SIMC1: variants seen among roughly 807,000 people sequenced by gnomAD.
SIMC1 encodes SUMO-interacting motif-containing protein 1.
SIMC1 carries 55 observed loss-of-function variants against 82.3 expected under a neutral mutation model. The observed-to-expected ratio is 0.67, with a 90% CI of 0.54 to 0.84. The LOEUF is 0.84. Ranked by LOEUF, SIMC1 falls within the 40% of genes least tolerant of loss-of-function variation. SIMC1 has a pLI of 0.00. For synonymous variants in SIMC1, 353 were observed against 426.3 expected (o/e 0.83, Z 2.12); for missense variants, 915 against 1,107.2 (o/e 0.83, Z 2.46).
chr5:176,296,421 T>G (rs529623987), intron 4 of SIMC1, 101 bp downstream of exon 4: 1 of 1,586,360 alleles, frequency 6.3e-7, no homozygotes, highest in South Asian at 1.1e-5. Context: ...CCCAGCATTT[T>G]GGGAGGCCGA....
At position 176,324,677 on chromosome 5, in the gene SIMC1, C is replaced by T; in HGVS notation, c.2091C>T (p.Asp697=). The change falls in exon 7 of 10, where the codon GAC becomes GAT. Residue 697 remains aspartate (D), a synonymous_variant. Transcript: ENST00000429602. ...TGCTCTCCATAGCCGTAGAGGTGGA[C>T]AGGACCCCCACCTGCAGCTCCAATA... is the stretch of plus-strand genomic sequence containing the variant. ...QRMLSIAVEV[D]RTPTCSSNKI... 6.2e-7 allele frequency: 1 copy of T among 1,609,234 alleles called. No individual in the cohort carries two copies. Among genetic ancestry groups the T allele is most frequent in the Non-Finnish European group, 8.5e-7 (1 of 1,177,768 alleles).
At chr5:176,270,468 A>G (rs1388192860) in intron 1 of SIMC1, 1 of 152,142 alleles carries the variant, frequency 6.6e-6, no homozygotes, top group Non-Finnish European at 1.5e-5. Flanking sequence ...CAAGAACACC[A>G]ACTTGAACAA....
intron 1 of SIMC1, among the ~76,000 whole-genome samples, chr5:176,254,725 A>G (rs1318837529): frequency 2.0e-5 from 3 of 151,642 alleles, no homozygotes; most frequent in African/African-American, 7.3e-5. Context: ...CTCTAGTTAA[A>G]GCCTTGGTAA....
intron 1 of SIMC1, among the ~76,000 whole-genome samples, chr5:176,243,183 A>G (rs1161872135): frequency 2.6e-5 from 4 of 152,108 alleles, no homozygotes; most frequent in African/African-American, 9.7e-5. Flanking sequence ...GATTGGGAAC[A>G]TTTGATTGTG....
chr5:176,308,679 G>A (rs1322467090), intron 4 of SIMC1: 7 of 1,558,288 alleles, frequency 4.5e-6, no homozygotes, highest in Non-Finnish European at 6.2e-6. Flanking sequence ...CCAGAAGGAA[G>A]AGGAAAGGTA....
chr5:176,335,563 C>G (rs1300095539), intron 7 of SIMC1, among the ~76,000 whole-genome samples: 1 of 151,778 alleles, frequency 6.6e-6, no homozygotes, highest in Non-Finnish European at 1.5e-5. Flanking sequence ...CAGGCATGAG[C>G]CACCACGCCC....
intron 1 of SIMC1, among the ~76,000 whole-genome samples, chr5:176,273,565 A>C (rs542888982): frequency 6.6e-6 from 1 of 152,210 alleles, no homozygotes; most frequent in East Asian, 1.9e-4. Flanking sequence ...CAGGTTAGTT[A>C]CATATGTATA....
chr5:176,339,746 T>TTGCA (rs1411570420), intron 9 of SIMC1, among the ~76,000 whole-genome samples: 1 of 152,016 alleles, frequency 6.6e-6, no homozygotes, highest in Non-Finnish European at 1.5e-5. Context: ...ATAAATGGGG[T>TTGCA]GTGTTGCAGT....
In SIMC1 at chr5:176,289,748, G is replaced by T; in HGVS notation, c.224G>T (p.Arg75Ile). 6.2e-7 allele frequency: 1 copy of T among 1,613,838 alleles called. No homozygotes were observed. The highest frequency in any genetic ancestry group is 8.5e-7 in the Non-Finnish European group (1 of 1,179,824). Residue 75 changes from arginine (R) to isoleucine (I), a missense_variant, in exon 2 of 10, where the codon AGA becomes ATA. Coordinates refer to ENST00000429602, the MANE Select transcript of SIMC1 (RefSeq NM_001308195.2). ...CTGACAAGAGCTGAGGGAGAAAATA[G>T]ACCTATTGCCACTCTTGACTTAACT... is the stretch of plus-strand genomic sequence containing the variant. The part of the protein sequence containing the change: ...IDLTRAEGEN[R>I]PIATLDLTLE...
At chr5:176,313,622 A>G in intron 4 of SIMC1, 69 bp from the exon 5 acceptor site, 1 of 1,591,620 alleles carries the variant, frequency 6.3e-7, no homozygotes, top group Non-Finnish European at 8.6e-7. Flanking sequence ...AGTATTTATG[A>G]GAGCCCAATG....
chr5:176,245,711 C>T (rs1233340985), intron 1 of SIMC1, among the ~76,000 whole-genome samples: 2 of 152,000 alleles, frequency 1.3e-5, no homozygotes, highest in Admixed American at 6.6e-5. Context: ...GCATTGCAAC[C>T]GGAGTGTGTG....
chr5:176,343,232 G>T (rs1267369622), intron 9 of SIMC1, among the ~76,000 whole-genome samples: 1 of 152,190 alleles, frequency 6.6e-6, no homozygotes, highest in East Asian at 1.9e-4. Flanking sequence ...AAAATGATTT[G>T]TTCTGTGTCC....
intron 4 of SIMC1, among the ~76,000 whole-genome samples, chr5:176,301,299 G>C (rs1296932786): frequency 1.3e-5 from 2 of 152,088 alleles, no homozygotes; most frequent in African/African-American, 4.8e-5. Flanking sequence ...CCCTACACAA[G>C]CTCTCTTGCC....
chr5:176,279,201 T>G (rs578002668), intron 1 of SIMC1, among the ~76,000 whole-genome samples: 2 of 152,326 alleles, frequency 1.3e-5, no homozygotes, highest in South Asian at 4.1e-4. Context: ...GTCGAGGAAT[T>G]TATCCATTTC....
intron 7 of SIMC1, among the ~76,000 whole-genome samples, chr5:176,329,099 T>G (rs1215165171): frequency 3.3e-5 from 5 of 152,206 alleles, no homozygotes; most frequent in African/African-American, 1.2e-4. Context: ...CTACCCATTC[T>G]CATGCACTCA....
At chr5:176,268,875 C>T (rs1581232101) in intron 1 of SIMC1, among the ~76,000 whole-genome samples, 1 of 152,184 alleles carries the variant, frequency 6.6e-6, no homozygotes, top group Non-Finnish European at 1.5e-5. Context: ...CACTTTTTCT[C>T]CCTAAGTACA....
At chr5:176,275,548 G>T (rs974742418) in intron 1 of SIMC1, among the ~76,000 whole-genome samples, 1 of 151,768 alleles carries the variant, frequency 6.6e-6, no homozygotes, top group African/African-American at 2.4e-5. Context: ...CCTGTCTTGT[G>T]CCAGTTTTCA....
chr5:176,286,468 C>T (rs1422280251), intron 1 of SIMC1, among the ~76,000 whole-genome samples: 1 of 152,158 alleles, frequency 6.6e-6, no homozygotes, highest in Non-Finnish European at 1.5e-5. Flanking sequence ...CTTCCTTATA[C>T]CTTATACAAA....
At chr5:176,301,981 G>A (rs1764062309) in intron 4 of SIMC1, among the ~76,000 whole-genome samples, 1 of 152,168 alleles carries the variant, frequency 6.6e-6, no homozygotes, top group Admixed American at 6.5e-5. Flanking sequence ...ATTTGCAGAT[G>A]TTCAAATCCC....
Sources: gnomAD v4.1 joint callset for allele counts (sites outside exome capture counted in the v4.1 genomes callset) on GRCh38, gnomAD v4.1.1 for gene constraint, MANE v1.5 for transcripts, NCBI Gene and HGNC (gene_info 2026-07-23, HGNC 2026-07-21) for gene names.